Variants in ATRX observed in about 807,000 individuals in gnomAD.
The protein encoded by ATRX is chromatin remodeler ATRX.
ATRX carries 12 observed loss-of-function variants against 172.6 expected under a neutral mutation model. That is an observed-to-expected ratio of 0.07 (90% CI 0.04 to 0.11). The LOEUF (loss-of-function observed/expected upper bound fraction) is 0.11, where lower values mean the gene tolerates loss of function less well. Ranked by LOEUF, ATRX falls within the 10% of genes least tolerant of loss-of-function variation. The probability of loss-of-function intolerance (pLI) is 1.00; values close to 1 mark genes in which losing one functional copy is unlikely to be tolerated. For synonymous variants in ATRX, 674 were observed against 594.7 expected, an observed-to-expected ratio of 1.13 and a Z score of -1.94; for missense variants, 1,368 against 1,767.4, an observed-to-expected ratio of 0.77 and a Z score of 4.05.
At chrX:77,513,171 G>C (rs1054499323) in intron 34 of ATRX, among the ~76,000 whole-genome samples, 3 of 108,644 alleles carry the variant, frequency 2.8e-5, no homozygotes, top group Admixed American at 2.0e-4. Context: ...CAAAAAATTA[G>C]CTGGGCGTGG....
At chrX:77,764,857 T>C (rs1367037898) in intron 1 of ATRX, among the ~76,000 whole-genome samples, 1 of 112,319 alleles carries the variant, frequency 8.9e-6, no homozygotes, top group Admixed American at 9.5e-5. Flanking sequence ...ACAAGCTACT[T>C]TGAGATTAGG....
At chrX:77,751,027 T>C (rs2075281725) in intron 1 of ATRX, among the ~76,000 whole-genome samples, 1 of 112,066 alleles carries the variant, frequency 8.9e-6, no homozygotes, top group Admixed American at 9.5e-5. Context: ...TGATTTATAA[T>C]CCTTTGGGTA....
chrX:77,541,608 G>C (rs2063998122), intron 30 of ATRX, among the ~76,000 whole-genome samples: 1 of 111,743 alleles, frequency 8.9e-6, no homozygotes, highest in African/African-American at 3.3e-5. Flanking sequence ...ACATCAAAAA[G>C]CTTATCCACC....
intron 19 of ATRX, among the ~76,000 whole-genome samples, chrX:77,631,633 C>G (rs2068111181): frequency 8.9e-6 from 1 of 111,984 alleles, no homozygotes; most frequent in African/African-American, 3.2e-5. Context: ...AGTCTAATCA[C>G]AAGAAAAACT....
At chrX:77,593,594 A>G in intron 26 of ATRX, 102 bp downstream of exon 26, 1 of 883,588 alleles carries the variant, frequency 1.1e-6, no homozygotes, top group Non-Finnish European at 1.6e-6. Context: ...TCACATCTTT[A>G]GGAAGGAAGG....
chrX:77,694,988 A>T (rs1557149055), intron 5 of ATRX, among the ~76,000 whole-genome samples: 1 of 107,953 alleles, frequency 9.3e-6, no homozygotes, highest in Non-Finnish European at 1.9e-5. Context: ...ATTCACAGCA[A>T]TCATTGCATG....
At chrX:77,663,641 G>A (rs2070053279) in intron 11 of ATRX, 83 bp from the exon 12 acceptor site, 1 of 834,381 alleles carries the variant, frequency 1.2e-6, no homozygotes. Context: ...GACAACTACT[G>A]CAACTTATGA....
intron 15 of ATRX, among the ~76,000 whole-genome samples, chrX:77,642,150 G>A (rs1159570205): frequency 6.3e-5 from 7 of 110,836 alleles, no homozygotes; most frequent in African/African-American, 9.8e-5. Context: ...ACCAATTATC[G>A]TACCACTGCA....
chrX:77,681,213 C>T (rs2071167983), intron 9 of ATRX, among the ~76,000 whole-genome samples: 1 of 111,716 alleles, frequency 9.0e-6, no homozygotes, highest in Non-Finnish European at 1.9e-5. Flanking sequence ...GAACCACTGG[C>T]ACCAGTCCGC....
chrX:77,625,351 A>G (rs2067785127), intron 19 of ATRX, among the ~76,000 whole-genome samples: 1 of 112,696 alleles, frequency 8.9e-6, no homozygotes, highest in African/African-American at 3.2e-5. Flanking sequence ...TTTCATGGTC[A>G]AGAACCCAAA....
chrX:77,535,471 T>C (rs782746958), intron 30 of ATRX, among the ~76,000 whole-genome samples: 1 of 112,076 alleles, frequency 8.9e-6, no homozygotes, highest in East Asian at 2.8e-4. Context: ...CCATTACAAC[T>C]ATTACATATG....
rs781937859 is a variant in ATRX, at chrX:77,597,836, G to A, written c.5956+1575C>T. ...GCAAAGAAAAGGGAACATTTATGTT[G>A]GTGGGATTGTAAATTAGTTCACCGC... On this transcript the variant is annotated intron_variant, in intron 25 of 34. Transcript: ENST00000373344. Among the ~76,000 whole-genome samples, 6 of 112,207 alleles carry A rather than the reference G, an allele frequency of 5.3e-5. No individual in the cohort carries two copies. In the South Asian group the frequency reaches 2.2e-3, roughly 41 times the overall value.
At chrX:77,533,689 C>G (rs1414451795) in intron 30 of ATRX, among the ~76,000 whole-genome samples, 3 of 111,102 alleles carry the variant, frequency 2.7e-5, no homozygotes, top group African/African-American at 9.8e-5. Context: ...AGCTTAATAC[C>G]TGGGTGATGG....
intron 30 of ATRX, among the ~76,000 whole-genome samples, chrX:77,554,288 G>C (rs1352970950): frequency 1.8e-5 from 2 of 110,869 alleles, no homozygotes; most frequent in African/African-American, 3.3e-5. Flanking sequence ...CTGGGCAACA[G>C]AGTGAGACTC....
chrX:77,698,157 C>CA (rs1201903140), intron 3 of ATRX, among the ~76,000 whole-genome samples: 1 of 110,941 alleles, frequency 9.0e-6, no homozygotes, highest in Non-Finnish European at 1.9e-5. Context: ...TACAGTAGGT[C>CA]AAAAAATTCC....
rs2062701316 is a variant in ATRX at position 77,506,085 on chromosome X, G to A, written c.*2266C>T. ...CTTTACACCCAAAGAAATAAAACAGGTTACAAAATGTGGAGAATTTAGCAG... is the reference window on the plus strand; with the variant it reads ...CTTTACACCCAAAGAAATAAAACAGATTACAAAATGTGGAGAATTTAGCAG... On this transcript the variant is annotated 3_prime_UTR_variant, in exon 35 of 35. Coordinates refer to ENST00000373344, the MANE Select transcript of ATRX (RefSeq NM_000489.6). 5.9e-6 allele frequency: 1 copy of A among 169,143 alleles called. No homozygotes were observed. The highest frequency in any genetic ancestry group is 3.0e-5 in the African/African-American group (1 of 33,653). The allele number at this position is 169,143 out of a possible 1,213,427, so 13.9% of individuals were successfully genotyped here. A position where few individuals can be genotyped will look rare whatever the true frequency, so the allele number is the denominator to read the frequency against.
At chrX:77,574,969 T>G (rs1441180345) in intron 27 of ATRX, among the ~76,000 whole-genome samples, 1 of 106,695 alleles carries the variant, frequency 9.4e-6, no homozygotes, top group African/African-American at 3.4e-5. Context: ...TGAGTTTAAG[T>G]TTTTTTTTTC....
chrX:77,769,448 C>T (rs2076083180), intron 1 of ATRX, among the ~76,000 whole-genome samples: 1 of 109,748 alleles, frequency 9.1e-6, no homozygotes, highest in African/African-American at 3.3e-5. Flanking sequence ...GCCACCATGC[C>T]CAGCTAATTT....
At chrX:77,705,958 AC>A (rs1210659034) in intron 2 of ATRX, among the ~76,000 whole-genome samples, 1 of 110,488 alleles carries the variant, frequency 9.1e-6, no homozygotes, top group Non-Finnish European at 1.9e-5. Context: ...CCAGAAATAA[AC>A]CCATATATCT....
Sources: allele counts gnomAD v4.1 joint callset (sites outside exome capture counted in the v4.1 genomes callset), GRCh38; gene constraint gnomAD v4.1.1; transcripts MANE v1.5; gene names NCBI Gene and HGNC (gene_info 2026-07-23, HGNC 2026-07-21).